The following BCLAF1 variants were observed in gnomAD, a reference collection of about 807,000 sequenced individuals.
BCLAF1 encodes bcl-2-associated transcription factor 1.
BCLAF1 carries 10 observed loss-of-function variants against 99.5 expected under a neutral mutation model. The observed-to-expected ratio is 0.10, with a 90% CI of 0.06 to 0.17. BCLAF1 has a LOEUF of 0.17. BCLAF1 is among the 10% of genes least tolerant of loss of function. The probability of loss-of-function intolerance (pLI) is 1.00; values close to 1 mark genes in which losing one functional copy is unlikely to be tolerated. For missense variants in BCLAF1, 636 were observed against 1,105.8 expected, an observed-to-expected ratio of 0.58 and a Z score of 6.02; for synonymous variants, 255 against 370.9, an observed-to-expected ratio of 0.69 and a Z score of 3.59.
chr6:136,268,462 A>T (rs1049020019), intron 9 of BCLAF1, 123 bp from the exon 10 acceptor site: 17 of 882,426 alleles, frequency 1.9e-5, no homozygotes, highest in Non-Finnish European at 3.0e-5. Context: ...TTATGTAAAT[A>T]AAATAATTGG....
Position 136,276,050 on chromosome 6 carries a change from T to G in BCLAF1, c.1475A>C (p.Lys492Thr). The G allele has an allele frequency of 1.2e-6, 2 of 1,601,706 alleles. No homozygotes were observed. Among genetic ancestry groups the G allele is most frequent in the East Asian group, 2.2e-5 (1 of 44,786 alleles). The stretch of plus-strand genomic sequence containing the variant: ...TACCTGCTCAGGTGACTGAGTTTCT[T>G]TCTTTACTGTTATTCTTTCAGAATT... ...DKNSERITVKKETQSPEQVKS... is the reference protein window; with the variant it reads ...DKNSERITVKTETQSPEQVKS... Residue 492 changes from lysine to threonine, a missense_variant, in exon 5 of 13, where the codon AAA becomes ACA. Lys to Thr is a moderately conservative substitution (Grantham distance 78, BLOSUM62 -1). Around this residue, in one of 9 missense-constraint regions of BCLAF1, gnomAD observed 186 missense variants for 275.3 expected, o/e 0.68. Transcript: ENST00000531224.
At chr6:136,262,400 T>C (rs1272013133) in intron 11 of BCLAF1, among the ~76,000 whole-genome samples, 1 of 152,178 alleles carries the variant, frequency 6.6e-6, no homozygotes, top group Non-Finnish European at 1.5e-5. Flanking sequence ...AGAGTACCAG[T>C]AGTGAGCAAC....
At chr6:136,280,455 G>A (rs1347228375) in intron 2 of BCLAF1, among the ~76,000 whole-genome samples, 3 of 152,094 alleles carry the variant, frequency 2.0e-5, no homozygotes, top group Admixed American at 2.0e-4. Flanking sequence ...TGGAGCCATG[G>A]CTCTGCTCTC....
At chr6:136,287,329 A>G (rs1027933688) in intron 1 of BCLAF1, among the ~76,000 whole-genome samples, 1 of 152,172 alleles carries the variant, frequency 6.6e-6, no homozygotes, top group African/African-American at 2.4e-5. Context: ...AATAAATAAA[A>G]TTAAAGTGTT....
At chr6:136,280,106 G>C (rs921833986) in intron 2 of BCLAF1, among the ~76,000 whole-genome samples, 8 of 152,134 alleles carry the variant, frequency 5.3e-5, no homozygotes, top group African/African-American at 1.9e-4. Flanking sequence ...AGATTTTTAC[G>C]GACTGCCCCA....
chr6:136,288,890 C>G (rs1785534407), intron 1 of BCLAF1, among the ~76,000 whole-genome samples: 1 of 152,196 alleles, frequency 6.6e-6, no homozygotes, highest in African/African-American at 2.4e-5. Context: ...CTCGGCTTCG[C>G]TAGTACTCAT....
chr6:136,264,852 G>A (rs1224236738), intron 11 of BCLAF1, among the ~76,000 whole-genome samples: 1 of 152,066 alleles, frequency 6.6e-6, no homozygotes, highest in East Asian at 1.9e-4. Flanking sequence ...TAGAGACCAA[G>A]ATTTTTAAAT....
chr6:136,270,858 G>A (rs971977167), intron 8 of BCLAF1, among the ~76,000 whole-genome samples: 1 of 151,484 alleles, frequency 6.6e-6, no homozygotes, highest in Non-Finnish European at 1.5e-5. Flanking sequence ...CTAAACTGTT[G>A]GGAAAACTAA....
intron 4 of BCLAF1, among the ~76,000 whole-genome samples, chr6:136,277,424 A>G (rs1445999108): frequency 2.6e-5 from 4 of 152,226 alleles, no homozygotes; most frequent in Non-Finnish European, 5.9e-5. Context: ...TTAGCAACAT[A>G]TATCATTTAG....
chr6:136,267,606 T>G (rs964277446), intron 10 of BCLAF1, among the ~76,000 whole-genome samples: 1 of 151,796 alleles, frequency 6.6e-6, no homozygotes, highest in Non-Finnish European at 1.5e-5. Flanking sequence ...TCGCTCAAGG[T>G]AGGAGTGTGA....
intron 8 of BCLAF1, 120 bp downstream of exon 8, chr6:136,271,875 T>C (rs1478174312): frequency 8.5e-6 from 6 of 704,042 alleles, no homozygotes; most frequent in African/African-American, 5.5e-5. Context: ...TACCATAATA[T>C]AGTTATGAAT....
intron 9 of BCLAF1, 67 bp downstream of exon 9, chr6:136,269,370 A>T: frequency 6.3e-7 from 1 of 1,579,822 alleles, no homozygotes; most frequent in South Asian, 1.2e-5. Context: ...ATTGAAAGCA[A>T]TTAAGCTGAC....
chr6:136,287,729 G>A (rs1187578850), intron 1 of BCLAF1, among the ~76,000 whole-genome samples: 2 of 152,170 alleles, frequency 1.3e-5, no homozygotes, highest in East Asian at 3.9e-4. Flanking sequence ...CACAAAAGTT[G>A]TTTAATAAAT....
chr6:136,284,130 G>GTGTGTATATATATATATATATATATATA (rs36141174), intron 1 of BCLAF1, among the ~76,000 whole-genome samples: 1 of 122,120 alleles, frequency 8.2e-6, no homozygotes, highest in African/African-American at 4.1e-5. Flanking sequence ...GTGTGTGTGT[G>GTGTGTATATATATATATATATATATATA]TATATATATA....
intron 1 of BCLAF1, among the ~76,000 whole-genome samples, chr6:136,288,523 A>G (rs948574237): frequency 2.0e-5 from 3 of 152,262 alleles, no homozygotes; most frequent in Non-Finnish European, 4.4e-5. Context: ...GAGGAACAAG[A>G]AATTTTGTTT....
At position 136,278,019 on chromosome 6, in the gene BCLAF1, GAGA is replaced by G; in HGVS notation, c.859_861del (p.Ser287del). On this transcript the variant is annotated inframe_deletion, in exon 4 of 13. Transcript: ENST00000531224. ...GGGATGTGATGAATTGGACTATTCT[GAGA>G]AGGACTGTATCGACTAGATCCATTT... The G allele has an allele frequency of 1.9e-6, 3 of 1,600,770 alleles. No individual in the cohort carries two copies. Among genetic ancestry groups the G allele is most frequent in the Admixed American group, 1.7e-5 (1 of 58,536 alleles).
At chr6:136,287,349 T>TA (rs1322384947) in intron 1 of BCLAF1, among the ~76,000 whole-genome samples, 1 of 152,178 alleles carries the variant, frequency 6.6e-6, no homozygotes, top group South Asian at 2.1e-4. Context: ...TTGAAAACTC[T>TA]AAAATATTAC....
At chr6:136,284,888 C>A (rs975381734) in intron 1 of BCLAF1, among the ~76,000 whole-genome samples, 1 of 152,042 alleles carries the variant, frequency 6.6e-6, no homozygotes, top group Non-Finnish European at 1.5e-5. Flanking sequence ...GGACTACTTA[C>A]TTAGGTGGAT....
In BCLAF1 at chr6:136,258,911, T is replaced by C. The variant is rs977191877; in HGVS notation, c.*2199A>G. Reference sequence around the variant, plus strand: ...TTCTGGAAATATCCTTTGGTTCATTTTTATTGCCCCTCTCTAGGCAAAACA... The same window carrying C: ...TTCTGGAAATATCCTTTGGTTCATTCTTATTGCCCCTCTCTAGGCAAAACA... On this transcript the variant is annotated 3_prime_UTR_variant, in exon 13 of 13. Coordinates refer to ENST00000531224, the MANE Select transcript of BCLAF1 (RefSeq NM_014739.3). The C allele has an allele frequency of 6.6e-6, 1 of 152,518 alleles. No individual in the cohort carries two copies. Among genetic ancestry groups the C allele is most frequent in the African/African-American group, 2.4e-5 (1 of 41,452 alleles). 9.4% of individuals were successfully genotyped at this position (152,518 alleles called of 1,614,324 possible). A position where few individuals can be genotyped will look rare whatever the true frequency, so the allele number is the denominator to read the frequency against.
Sources: allele counts gnomAD v4.1 joint callset (sites outside exome capture counted in the v4.1 genomes callset), GRCh38; gene constraint gnomAD v4.1.1; regional missense constraint gnomAD v4.1.1; transcripts MANE v1.5; gene names NCBI Gene and HGNC (gene_info 2026-07-23, HGNC 2026-07-21).